The following CDH11 variants were observed in gnomAD, a reference collection of about 807,000 sequenced individuals.
CDH11 encodes cadherin 11.
In CDH11, 11 loss-of-function variants were observed where a neutral mutation model predicts 67.8. The observed-to-expected ratio is 0.16, with a 90% confidence interval of 0.10 to 0.27. CDH11 has a LOEUF of 0.27. Among genes scored for constraint, CDH11 ranks in the 10% least tolerant of loss-of-function variants. The probability of loss-of-function intolerance (pLI) is 1.00; values close to 1 mark genes in which losing one functional copy is unlikely to be tolerated. For synonymous variants in CDH11, 419 were observed against 400.0 expected (o/e 1.05, Z -0.57); for missense variants, 847 against 1,031.2 (o/e 0.82, Z 2.45).
At chr16:65,102,905 C>G (rs936909580) in intron 1 of CDH11, among the ~76,000 whole-genome samples, 1 of 152,174 alleles carries the variant, frequency 6.6e-6, no homozygotes, top group Non-Finnish European at 1.5e-5. Flanking sequence ...TGAGATGCAG[C>G]AAAAACACTG....
chr16:65,089,049 T>C (rs1165873659), intron 1 of CDH11, among the ~76,000 whole-genome samples: 1 of 152,202 alleles, frequency 6.6e-6, no homozygotes, highest in Non-Finnish European at 1.5e-5. Context: ...GTTTTTGTCA[T>C]TTTCTTCCTT....
intron 1 of CDH11, among the ~76,000 whole-genome samples, chr16:65,066,410 A>C (rs919589724): frequency 2.0e-5 from 3 of 152,242 alleles, no homozygotes; most frequent in Admixed American, 2.0e-4. Flanking sequence ...TGTGCCAGGC[A>C]TCAGTCAAAT....
intron 7 of CDH11, among the ~76,000 whole-genome samples, chr16:64,984,525 C>A (rs982906136): frequency 6.6e-6 from 1 of 152,164 alleles, no homozygotes; most frequent in Non-Finnish European, 1.5e-5. Flanking sequence ...ATTGCATAAG[C>A]CATAAAATTC....
intron 2 of CDH11, among the ~76,000 whole-genome samples, chr16:65,036,110 C>A (rs1000877128): frequency 6.6e-6 from 1 of 152,048 alleles, no homozygotes; most frequent in Non-Finnish European, 1.5e-5. Context: ...GCACACAGCC[C>A]TGTGTGTTTT....
At chr16:64,949,629 T>C (rs2142368160) in intron 12 of CDH11, among the ~76,000 whole-genome samples, 1 of 152,212 alleles carries the variant, frequency 6.6e-6, no homozygotes, top group East Asian at 1.9e-4. Flanking sequence ...TTTCTCCATG[T>C]TGTTCAGGCT....
intron 5 of CDH11, 87 bp from the exon 6 acceptor site, chr16:64,992,022 G>T: frequency 2.2e-6 from 2 of 902,994 alleles, no homozygotes; most frequent in Non-Finnish European, 3.3e-6. Context: ...AAGCAATGCT[G>T]AATAAAATAT....
chr16:65,105,726 G>T (rs529094745), intron 1 of CDH11, among the ~76,000 whole-genome samples: 2 of 152,252 alleles, frequency 1.3e-5, no homozygotes, highest in South Asian at 2.1e-4. Flanking sequence ...CATGCTTAGT[G>T]GGCCAAGCTG....
chr16:65,035,674 T>C (rs1262438404), intron 2 of CDH11, among the ~76,000 whole-genome samples: 1 of 152,244 alleles, frequency 6.6e-6, no homozygotes, highest in Non-Finnish European at 1.5e-5. Context: ...TCATACTTTA[T>C]AGCACTTTAT....
At chr16:65,111,412 C>T (rs1434508729) in intron 1 of CDH11, among the ~76,000 whole-genome samples, 1 of 152,174 alleles carries the variant, frequency 6.6e-6, no homozygotes, top group East Asian at 1.9e-4. Flanking sequence ...AGAGCCTGTG[C>T]TAACACCACT....
chr16:64,945,730 T>C lies in CDH11; in HGVS notation c.*1873A>G. ...AATTTGATTTCAATGCAAAGTAAAATGGAAGTGAGCACTTCATAAAAAACA... is the reference window on the plus strand; with the variant it reads ...AATTTGATTTCAATGCAAAGTAAAACGGAAGTGAGCACTTCATAAAAAACA... On this transcript the variant is annotated 3_prime_UTR_variant, in exon 13 of 13. Coordinates refer to ENST00000268603, the MANE Select transcript of CDH11 (RefSeq NM_001797.4). 9.6e-7 allele frequency: 1 copy of C among 1,043,036 alleles called. No individual in the cohort carries two copies. Among genetic ancestry groups the C allele is most frequent in the Non-Finnish European group, 1.2e-6 (1 of 865,214 alleles). 64.6% of individuals were successfully genotyped at this position (1,043,036 alleles called of 1,614,324 possible). A position where few individuals can be genotyped will look rare whatever the true frequency, so the allele number is the denominator to read the frequency against.
chr16:64,974,866 G>A (rs1312101221), intron 8 of CDH11, among the ~76,000 whole-genome samples: 2 of 152,214 alleles, frequency 1.3e-5, no homozygotes, highest in Non-Finnish European at 2.9e-5. Flanking sequence ...AAGGGCATGA[G>A]TTTTGGGTTT....
At chr16:65,043,458 C>A (rs1240944366) in intron 2 of CDH11, among the ~76,000 whole-genome samples, 3 of 152,086 alleles carry the variant, frequency 2.0e-5, no homozygotes, top group Non-Finnish European at 4.4e-5. Context: ...AGCCTCAGAC[C>A]ACCCTGCATG....
intron 1 of CDH11, among the ~76,000 whole-genome samples, chr16:65,065,065 G>A (rs2074291886): frequency 6.6e-6 from 1 of 152,162 alleles, no homozygotes; most frequent in Non-Finnish European, 1.5e-5. Flanking sequence ...GGTCAGCTAT[G>A]CGAGGGGACT....
At chr16:65,057,974 C>T (rs2074174006) in intron 1 of CDH11, among the ~76,000 whole-genome samples, 1 of 152,152 alleles carries the variant, frequency 6.6e-6, no homozygotes, top group South Asian at 2.1e-4. Flanking sequence ...GTGGCTCATG[C>T]CTGTAATCCC....
chr16:65,070,016 T>A (rs1005855657), intron 1 of CDH11, among the ~76,000 whole-genome samples: 2 of 152,202 alleles, frequency 1.3e-5, no homozygotes, highest in African/African-American at 4.8e-5. Flanking sequence ...GCCATCTGAC[T>A]CAGAATAAAT....
intron 1 of CDH11, among the ~76,000 whole-genome samples, chr16:65,065,345 C>A (rs2142751948): frequency 6.6e-6 from 1 of 152,254 alleles, no homozygotes. Context: ...AGTACAAACA[C>A]ATATAAGACT....
rs1008411883 is a variant in CDH11, at chr16:64,977,838, A to T, written c.1253+4210T>A. Among the ~76,000 whole-genome samples, 3 of 152,192 alleles carry T rather than the reference A, an allele frequency of 2.0e-5. No homozygotes were observed. In the East Asian group the frequency reaches 5.8e-4, roughly 29 times the overall value. ...ATGTCAGTGAGAACTGACTGAAATA[A>T]CTTTGTAAAACCTGTTGTATGAGGC... On this transcript the variant is annotated intron_variant, in intron 8 of 12. Transcript: ENST00000268603.
chr16:65,062,549 A>G (rs949839311), intron 1 of CDH11, among the ~76,000 whole-genome samples: 3 of 152,210 alleles, frequency 2.0e-5, no homozygotes, highest in Admixed American at 1.3e-4. Context: ...AAACAAAATC[A>G]GGTTTCTCAA....
intron 1 of CDH11, among the ~76,000 whole-genome samples, chr16:65,090,586 T>A (rs1163231489): frequency 2.6e-5 from 4 of 152,212 alleles, no homozygotes; most frequent in South Asian, 4.1e-4. Context: ...CGGTCCTTTT[T>A]ACTTACAACA....
Sources: allele counts gnomAD v4.1 joint callset (sites outside exome capture counted in the v4.1 genomes callset), GRCh38; gene constraint gnomAD v4.1.1; transcripts MANE v1.5; gene names NCBI Gene and HGNC (gene_info 2026-07-23, HGNC 2026-07-21).